The following TBC1D22A variants were observed in gnomAD, a reference collection of about 807,000 sequenced individuals.
TBC1D22A encodes the protein putative GTPase activator.
In TBC1D22A, 38 loss-of-function variants were observed where a neutral mutation model predicts 60.2. The ratio of observed to expected loss-of-function variants is 0.63; its 90% CI spans 0.49 to 0.83. The LOEUF is 0.83. Among genes scored for constraint, TBC1D22A ranks in the 40% least tolerant of loss-of-function variants. The probability of loss-of-function intolerance (pLI) is 0.00; values close to 1 mark genes in which losing one functional copy is unlikely to be tolerated. For missense variants in TBC1D22A, 628 were observed against 701.0 expected (o/e 0.90, Z 1.18); for synonymous variants, 302 against 281.7 (o/e 1.07, Z -0.72).
At chr22:46,887,170 G>T (rs1044749477) in intron 5 of TBC1D22A, among the ~76,000 whole-genome samples, 1 of 152,140 alleles carries the variant, frequency 6.6e-6, no homozygotes, top group Non-Finnish European at 1.5e-5. Flanking sequence ...TCATGGGAAG[G>T]GACTCAAACA....
intron 12 of TBC1D22A, among the ~76,000 whole-genome samples, chr22:47,138,625 C>G (rs749970638): frequency 6.6e-6 from 1 of 152,238 alleles, no homozygotes; most frequent in African/African-American, 2.4e-5. Flanking sequence ...GGGTGTTTGC[C>G]AAATCTGCGT....
At chr22:46,856,966 C>T (rs1479549041) in intron 4 of TBC1D22A, among the ~76,000 whole-genome samples, 1 of 152,242 alleles carries the variant, frequency 6.6e-6, no homozygotes, top group Non-Finnish European at 1.5e-5. Flanking sequence ...GCATCTCTCC[C>T]CATGAGGTCT....
chr22:46,969,924 G>A (rs180993114), intron 8 of TBC1D22A, among the ~76,000 whole-genome samples: 10 of 152,288 alleles, frequency 6.6e-5, no homozygotes, highest in South Asian at 2.1e-4. Context: ...ATGGAAACGC[G>A]CTGGTTTAAG....
intron 5 of TBC1D22A, among the ~76,000 whole-genome samples, chr22:46,881,151 T>C (rs904613933): frequency 6.6e-6 from 1 of 152,070 alleles, no homozygotes; most frequent in African/African-American, 2.4e-5. Context: ...ACCCACCCCA[T>C]TGCTTGGGTT....
intron 1 of TBC1D22A, among the ~76,000 whole-genome samples, chr22:46,790,154 G>T (rs1348324700): frequency 1.3e-5 from 2 of 152,264 alleles, no homozygotes; most frequent in African/African-American, 2.4e-5. Flanking sequence ...GGCGGGGCTG[G>T]TTCCTTCTGG....
chr22:47,025,112 C>T (rs1348560954), intron 10 of TBC1D22A, among the ~76,000 whole-genome samples: 5 of 152,140 alleles, frequency 3.3e-5, no homozygotes, highest in Admixed American at 1.3e-4. Flanking sequence ...TCAAAATACA[C>T]AGCAAAATCA....
intron 9 of TBC1D22A, among the ~76,000 whole-genome samples, chr22:46,991,706 AT>A (rs2074947160): frequency 6.6e-6 from 1 of 152,038 alleles, no homozygotes; most frequent in Non-Finnish European, 1.5e-5. Flanking sequence ...AGTGGCCTCC[AT>A]TTGCATTTCA....
At chr22:46,994,708 C>G (rs1273546313) in intron 9 of TBC1D22A, among the ~76,000 whole-genome samples, 8 of 152,242 alleles carry the variant, frequency 5.3e-5, no homozygotes, top group Admixed American at 1.3e-4. Flanking sequence ...GTTTACTTCT[C>G]ACCCTTAATT....
chr22:46,908,760 A>C (rs965001153), intron 7 of TBC1D22A, among the ~76,000 whole-genome samples: 1 of 151,998 alleles, frequency 6.6e-6, no homozygotes, highest in South Asian at 2.1e-4. Context: ...GTGAAAGGGC[A>C]CTCACTTGGC....
chr22:47,151,218 G>C (rs926260357), intron 12 of TBC1D22A, among the ~76,000 whole-genome samples: 1 of 152,172 alleles, frequency 6.6e-6, no homozygotes. Flanking sequence ...ACTTTTAAAC[G>C]CTGCGTGGTG....
At chr22:46,977,213 C>T (rs2074333358) in intron 9 of TBC1D22A, among the ~76,000 whole-genome samples, 1 of 152,186 alleles carries the variant, frequency 6.6e-6, no homozygotes, top group African/African-American at 2.4e-5. Context: ...GCAGAAACCA[C>T]ATCTATTTTT....
At chr22:47,125,415 G>A (rs934116148) in intron 12 of TBC1D22A, among the ~76,000 whole-genome samples, 1 of 152,174 alleles carries the variant, frequency 6.6e-6, no homozygotes, top group East Asian at 1.9e-4. Context: ...GTCCTCACAC[G>A]GTGACACCAG....
intron 4 of TBC1D22A, among the ~76,000 whole-genome samples, chr22:46,850,932 A>G (rs1443274184): frequency 6.6e-6 from 1 of 152,222 alleles, no homozygotes; most frequent in Admixed American, 6.5e-5. Flanking sequence ...AACCCCACAT[A>G]TTGTATGACT....
At chr22:46,878,902 G>T (rs1569165165) in intron 5 of TBC1D22A, among the ~76,000 whole-genome samples, 179 bp downstream of exon 5, 1 of 152,136 alleles carries the variant, frequency 6.6e-6, no homozygotes, top group Non-Finnish European at 1.5e-5. Context: ...TTTTAAGCTT[G>T]GTTTGACAGG....
intron 8 of TBC1D22A, among the ~76,000 whole-genome samples, chr22:46,941,614 T>TATATACGGAATATATATACGCGGAAC (rs1474766069): frequency 0.01 from 1,449 of 140,480 alleles, 143 homozygotes; most frequent in Non-Finnish European, 0.018. Flanking sequence ...ATACGCGGAA[T>TATATACGGAATATATATACGCGGAAC]ATATATACGG....
At chr22:46,772,615 CATATATA>C (rs1229629915) in intron 1 of TBC1D22A, among the ~76,000 whole-genome samples, 7 of 138,660 alleles carry the variant, frequency 5.0e-5, no homozygotes, top group Admixed American at 1.5e-4. Context: ...TACATATATA[CATATATA>C]CACAAACACA....
intron 9 of TBC1D22A, among the ~76,000 whole-genome samples, chr22:46,985,962 T>A (rs562182783): frequency 5.3e-5 from 8 of 152,230 alleles, no homozygotes; most frequent in Admixed American, 2.6e-4. Context: ...ATTTTTTTTC[T>A]TTTGTGGTAA....
intron 1 of TBC1D22A, among the ~76,000 whole-genome samples, chr22:46,791,111 T>G (rs2084386309): frequency 6.6e-6 from 1 of 152,078 alleles, no homozygotes; most frequent in South Asian, 2.1e-4. Flanking sequence ...AGTTCAGTGG[T>G]GCAATCTTGG....
At chr22:46,846,220 A>G (rs558474385) in intron 4 of TBC1D22A, among the ~76,000 whole-genome samples, 88 of 152,350 alleles carry the variant, frequency 5.8e-4, no homozygotes, top group Middle Eastern at 6.8e-3. Context: ...ATGTGGTTTT[A>G]AATAATGAGG....
Sources: allele counts gnomAD v4.1 joint callset (sites outside exome capture counted in the v4.1 genomes callset), GRCh38; gene constraint gnomAD v4.1.1; transcripts MANE v1.5; gene names NCBI Gene and HGNC (gene_info 2026-07-23, HGNC 2026-07-21).